The following DMD variants were observed in gnomAD, a reference collection of about 807,000 sequenced individuals.
DMD encodes mutant dystrophin.
In DMD, 63 loss-of-function variants were observed where a neutral mutation model predicts 330.1. The observed-to-expected ratio is 0.19, with a 90% CI of 0.16 to 0.24. DMD has a LOEUF of 0.24. Among genes scored for constraint, DMD ranks in the 10% least tolerant of loss-of-function variants. The pLI, the probability that DMD is intolerant of heterozygous loss-of-function variation, is 1.00. For synonymous variants in DMD, 1,223 were observed against 959.8 expected, an observed-to-expected ratio of 1.27 and a Z score of -5.07; for missense variants, 3,344 against 2,684.1, an observed-to-expected ratio of 1.25 and a Z score of -5.43.
intron 28 of DMD, among the ~76,000 whole-genome samples, chrX:32,439,352 A>T (rs748794295): frequency 3.3e-4 from 37 of 110,918 alleles, no homozygotes; most frequent in Non-Finnish European, 6.6e-4. Flanking sequence ...CATTTATATT[A>T]AAAAAAATCA....
At chrX:32,191,344 A>T (rs2096974565) in intron 44 of DMD, among the ~76,000 whole-genome samples, 1 of 112,122 alleles carries the variant, frequency 8.9e-6, no homozygotes, top group African/African-American at 3.2e-5. Flanking sequence ...TACCTAGATG[A>T]CACAGCGTCG....
At chrX:32,731,670 A>C (rs761072364) in intron 7 of DMD, among the ~76,000 whole-genome samples, 16 of 111,922 alleles carry the variant, frequency 1.4e-4, no homozygotes, top group Non-Finnish European at 2.1e-4. Context: ...CTCACACGGC[A>C]GGGTACTCCA....
chrX:32,499,381 A>G (rs745434859), intron 19 of DMD, among the ~76,000 whole-genome samples: 1 of 111,737 alleles, frequency 8.9e-6, no homozygotes, highest in South Asian at 3.7e-4. Flanking sequence ...CATCAAATTT[A>G]TAAATATATA....
chrX:32,464,769 A>G, intron 23 of DMD, 70 bp from the exon 24 acceptor site: 1 of 770,087 alleles, frequency 1.3e-6, no homozygotes, highest in South Asian at 2.1e-5. Context: ...TCATTGTGTT[A>G]TGTCTAAACA....
chrX:32,333,975 AT>A (rs1420991246), intron 41 of DMD, among the ~76,000 whole-genome samples: 2 of 110,995 alleles, frequency 1.8e-5, no homozygotes, highest in African/African-American at 6.5e-5. Flanking sequence ...TTTATTCAGA[AT>A]TTCCACGCAT....
Position 31,476,399 on chromosome X carries a change from A to G in DMD, c.8937+1707T>C, listed in dbSNP as rs775849861. Among the ~76,000 whole-genome samples, 77 of 84,222 alleles carry G rather than the reference A, an allele frequency of 9.1e-4. 2 individuals are homozygous for G. Among genetic ancestry groups the G allele is most frequent in the Middle Eastern group, 5.8e-3 (1 of 172 alleles). The allele number at this position is 84,222 out of a possible 115,157, so 73.1% of individuals were successfully genotyped here. ...TCTAACTATGTATGTGTGTGTGTGT[A>G]TATATATATATATATATATATACAC... On this transcript the variant is annotated intron_variant, in intron 59 of 78. Coordinates refer to ENST00000357033, the MANE Select transcript of DMD (RefSeq NM_004006.3).
At chrX:31,681,339 T>C (rs1424692403) in intron 52 of DMD, among the ~76,000 whole-genome samples, 1 of 110,246 alleles carries the variant, frequency 9.1e-6, no homozygotes, top group Non-Finnish European at 1.9e-5. Flanking sequence ...TCACAGATAA[T>C]ACAAGAACCT....
At chrX:31,362,760 C>A (rs759219245) in intron 60 of DMD, among the ~76,000 whole-genome samples, 2 of 112,483 alleles carry the variant, frequency 1.8e-5, no homozygotes, top group Non-Finnish European at 1.9e-5. Context: ...CTGGCTAACA[C>A]GGTGAAACCC....
intron 44 of DMD, among the ~76,000 whole-genome samples, chrX:31,970,308 G>C (rs2095387420): frequency 9.1e-6 from 1 of 110,265 alleles, no homozygotes; most frequent in Admixed American, 9.7e-5. Context: ...GGAAGTTCAG[G>C]CTCATCATCA....
Position 32,639,324 on chromosome X carries a change from GT to G in DMD, c.1331+4807del, listed in dbSNP as rs1339068233. On this transcript the variant is annotated intron_variant, in intron 11 of 78. Coordinates refer to ENST00000357033, the MANE Select transcript of DMD (RefSeq NM_004006.3). Reference sequence around the variant, plus strand: ...GCACTTCCACAGTTGGAAGTTGTGTGTTTTTCTTCCGAATTCCTTACCTCCT... The same window carrying G: ...GCACTTCCACAGTTGGAAGTTGTGTGTTTTCTTCCGAATTCCTTACCTCCT... 2.7e-5 allele frequency among the ~76,000 whole-genome samples: 3 copies of G among 110,889 alleles called. No homozygotes were observed. In the Admixed American group the frequency reaches 2.9e-4, roughly 11 times the overall value.
At chrX:32,605,250 T>A (rs1264184732) in intron 12 of DMD, among the ~76,000 whole-genome samples, 1 of 110,364 alleles carries the variant, frequency 9.1e-6, no homozygotes, top group Non-Finnish European at 1.9e-5. Flanking sequence ...TAAAACCACA[T>A]ATCTATGACC....
chrX:32,553,096 C>A (rs751785651), intron 16 of DMD, among the ~76,000 whole-genome samples: 1 of 111,954 alleles, frequency 8.9e-6, no homozygotes, highest in Admixed American at 9.5e-5. Context: ...AATCCCTCAA[C>A]CCTAAAGACA....
Position 31,496,917 on chromosome X carries a change from C to T in DMD, c.8418G>A (p.Gln2806=), listed in dbSNP as rs953271494. ...GCAGAGAAAGGTGCAGACGCTTCCA[C>T]TGGTCAGAACTGGCTTCCAAATGGG... The part of the protein sequence containing the change: ...IRSHLEASSD[Q]WKRLHLSLQE... Residue 2806 remains glutamine (Q), a synonymous_variant, in exon 57 of 79, where the codon CAG becomes CAA. Transcript: ENST00000357033. The T allele has an allele frequency of 5.0e-6, 6 of 1,208,019 alleles. No individual in the cohort carries two copies. Among genetic ancestry groups the T allele is most frequent in the Non-Finnish European group, 6.7e-6 (6 of 894,102 alleles).
intron 7 of DMD, among the ~76,000 whole-genome samples, chrX:32,787,186 G>T (rs1267575242): frequency 9.3e-6 from 1 of 107,572 alleles, no homozygotes; most frequent in Non-Finnish European, 1.9e-5. Flanking sequence ...ATGTATCCAT[G>T]ACAACTGTGA....
intron 55 of DMD, among the ~76,000 whole-genome samples, chrX:31,545,195 G>A (rs2074077160): frequency 8.9e-6 from 1 of 111,967 alleles, no homozygotes; most frequent in Non-Finnish European, 1.9e-5. Flanking sequence ...TGCTTTCTCT[G>A]ACCCTACCCA....
rs753440474 is a variant in DMD at position 33,189,184 on chromosome X, C to CA, written c.31+22097dup. Among the ~76,000 whole-genome samples the CA allele has an allele frequency of 2.1e-3, 232 of 111,027 alleles. 1 individual carries two copies. Among genetic ancestry groups the CA allele is most frequent in the Non-Finnish European group, 3.6e-3 (190 of 52,997 alleles). Reference sequence around the variant, plus strand: ...TAACAAAAAGATGATTAACTGTAAGCATAGTGTTACAATGAACTCTGTTGC... The same window carrying CA: ...TAACAAAAAGATGATTAACTGTAAGCAATAGTGTTACAATGAACTCTGTTGC... On this transcript the variant is annotated intron_variant, in intron 1 of 78. Coordinates refer to ENST00000357033, the MANE Select transcript of DMD (RefSeq NM_004006.3).
intron 44 of DMD, among the ~76,000 whole-genome samples, chrX:32,088,677 A>AGTGTGTGTGTGTGTGT (rs34596391): frequency 9.9e-4 from 96 of 97,408 alleles, no homozygotes; most frequent in African/African-American, 3.4e-3. Flanking sequence ...ATAGCTCTGA[A>AGTGTGTGTGTGTGTGT]GTGTGTGTGT....
chrX:33,094,976 T>C lies in DMD; in HGVS notation c.32-74776A>G, dbSNP rs1464405991. On this transcript the variant is annotated intron_variant, in intron 1 of 78. Coordinates refer to ENST00000357033, the MANE Select transcript of DMD (RefSeq NM_004006.3). ...TCATAATCTAATTTTTTATTACTCT[T>C]TATTACAAAAACAAATTTGGTTTTA... Among the ~76,000 whole-genome samples, 3 of 111,818 alleles carry C rather than the reference T, an allele frequency of 2.7e-5. No homozygotes were observed. The South Asian group carries it at 1.1e-3, about 41-fold the overall frequency.
At chrX:33,196,315 G>A (rs968497838) in intron 1 of DMD, among the ~76,000 whole-genome samples, 8 of 111,167 alleles carry the variant, frequency 7.2e-5, no homozygotes, top group African/African-American at 2.6e-4. Context: ...AGATCAGGAG[G>A]TGAGAGACAT....
Sources: gnomAD v4.1 joint callset for allele counts (sites outside exome capture counted in the v4.1 genomes callset) on GRCh38, gnomAD v4.1.1 for gene constraint, MANE v1.5 for transcripts, NCBI Gene and HGNC (gene_info 2026-07-23, HGNC 2026-07-21) for gene names.